The following SLC3A1 variants were observed in gnomAD, a reference collection of about 807,000 sequenced individuals.
SLC3A1 encodes solute carrier family 3 member 1, also known as amino acid transporter heavy chain SLC3A1.
In SLC3A1, 78 loss-of-function variants were observed where a neutral mutation model predicts 60.3. The observed-to-expected ratio is 1.29, with a 90% confidence interval of 1.08 to 1.56. The LOEUF (loss-of-function observed/expected upper bound fraction) is 1.56. Among genes scored for constraint, SLC3A1 ranks in the 40% most tolerant of loss-of-function variants. The pLI, the probability that SLC3A1 is intolerant of heterozygous loss-of-function variation, is 0.00. For missense variants in SLC3A1, 1,172 were observed against 858.9 expected (o/e 1.36, Z -4.56); for synonymous variants, 392 against 307.9 (o/e 1.27, Z -2.86).
At chr2:44,321,648 C>T (rs1048339102), downstream of SLC3A1, 15 of 1,515,452 alleles carry the variant, frequency 9.9e-6, no homozygotes, top group African/African-American at 2.1e-4. Context: ...GTATCAAGTA[C>T]AAGAGAGAGA....
At chr2:44,279,241 C>T (rs867825655) in intron 1 of SLC3A1, among the ~76,000 whole-genome samples, 2 of 152,168 alleles carry the variant, frequency 1.3e-5, no homozygotes, top group Admixed American at 1.3e-4. Flanking sequence ...CTCAAGTGAT[C>T]CACCTGTCTC....
rs376256364 is a variant in SLC3A1 at position 44,320,417 on chromosome 2, G to T, written c.1836G>T (p.Ser612=). 6.2e-7 allele frequency: 1 copy of T among 1,613,824 alleles called. No homozygotes were observed. The highest frequency in any genetic ancestry group is 1.3e-5 in the African/African-American group (1 of 74,882). Reference sequence around the variant, plus strand: ...TGTTAAATCTACATAATATGATTTCGGGCCTTCCCGCTAAAATGAGAATAA... The same window carrying T: ...TGTTAAATCTACATAATATGATTTCTGGCCTTCCCGCTAAAATGAGAATAA... ...STLLNLHNMI[S]GLPAKMRIRL... Residue 612 remains serine, a synonymous_variant, in exon 10 of 10, where the codon TCG becomes TCT. Transcript: ENST00000260649.
chr2:44,306,929 A>G (rs1472242895), intron 7 of SLC3A1, among the ~76,000 whole-genome samples: 2 of 152,020 alleles, frequency 1.3e-5, no homozygotes, highest in Admixed American at 6.6e-5. Flanking sequence ...AACCATCACC[A>G]ATGTCTCATT....
chr2:44,295,866 C>G (rs916456006), intron 4 of SLC3A1, among the ~76,000 whole-genome samples: 2 of 152,220 alleles, frequency 1.3e-5, no homozygotes, highest in African/African-American at 4.8e-5. Context: ...CTGCCCCAAC[C>G]AATGTTCACA....
At chr2:44,291,751 T>A (rs1223122330) in intron 4 of SLC3A1, among the ~76,000 whole-genome samples, 4 of 152,164 alleles carry the variant, frequency 2.6e-5, no homozygotes, top group Non-Finnish European at 5.9e-5. Flanking sequence ...CTTGCTTGCA[T>A]ACCAACTTGT....
intron 9 of SLC3A1, 173 bp from the exon 10 acceptor site, chr2:44,320,026 C>T: frequency 3.3e-6 from 2 of 610,654 alleles, no homozygotes; most frequent in Non-Finnish European, 5.7e-6. Context: ...TCATTTCTAT[C>T]AGTTTTTATA....
intron 1 of SLC3A1, among the ~76,000 whole-genome samples, chr2:44,277,441 G>T (rs1433109602): frequency 6.6e-6 from 1 of 152,056 alleles, no homozygotes; most frequent in South Asian, 2.1e-4. Context: ...ATCCTGCATT[G>T]TCACTCATTG....
chr2:44,276,901 A>G (rs968689518), intron 1 of SLC3A1, among the ~76,000 whole-genome samples: 1 of 152,188 alleles, frequency 6.6e-6, no homozygotes, highest in Non-Finnish European at 1.5e-5. Flanking sequence ...CAACAATAGG[A>G]AACAAATAAG....
At chr2:44,307,363 T>G (rs79308999) in intron 7 of SLC3A1, among the ~76,000 whole-genome samples, 1 of 152,204 alleles carries the variant, frequency 6.6e-6, no homozygotes, top group East Asian at 1.9e-4. Context: ...AGGAGTGGAA[T>G]TGCTCCACTG....
intron 4 of SLC3A1, among the ~76,000 whole-genome samples, chr2:44,290,788 ATGGGGTTG>A (rs963114248): frequency 4.7e-5 from 7 of 149,332 alleles, no homozygotes; most frequent in Non-Finnish European, 7.4e-5. Context: ...CCTTGCCTCC[ATGGGGTTG>A]TGGGGTTGTG....
In SLC3A1 at chr2:44,275,649, A is replaced by C. The variant is rs3738985; in HGVS notation, c.114A>C (p.Gly38=). 1,238,146 of 1,613,626 alleles carry C rather than the reference A, an allele frequency of 0.77. 480,440 individuals are homozygous for C. The highest frequency in any genetic ancestry group is 0.85 in the South Asian group (77,676 of 91,066). Reference sequence around the variant, plus strand: ...TTCTGGAGCAGACCCCGGATCCAGGAAGCTCAACAGACAACCTGAAGCACA... The same window carrying C: ...TTCTGGAGCAGACCCCGGATCCAGGCAGCTCAACAGACAACCTGAAGCACA... ...EDILEQTPDP[G]SSTDNLKHST... Residue 38 remains glycine, a synonymous_variant, in exon 1 of 10, where the codon GGA becomes GGC. Coordinates refer to ENST00000260649, the MANE Select transcript of SLC3A1 (RefSeq NM_000341.4).
intron 4 of SLC3A1, among the ~76,000 whole-genome samples, chr2:44,287,975 G>T (rs1038991720): frequency 6.6e-6 from 1 of 151,784 alleles, no homozygotes; most frequent in Non-Finnish European, 1.5e-5. Context: ...TTTTGAGTGT[G>T]TAATTCAGTG....
intron 2 of SLC3A1, 52 bp from the exon 3 acceptor site, chr2:44,281,335 G>A: frequency 2.0e-6 from 3 of 1,511,436 alleles, no homozygotes; most frequent in Non-Finnish European, 2.8e-6. Context: ...CCTGTCATAT[G>A]TTATTCTAAT....
intron 4 of SLC3A1, among the ~76,000 whole-genome samples, chr2:44,297,578 AT>A (rs1671885684): frequency 6.6e-6 from 1 of 152,278 alleles, no homozygotes; most frequent in East Asian, 1.9e-4. Flanking sequence ...GACCTGCATT[AT>A]TAGGTAACCA....
chr2:44,296,933 T>G (rs1170362834), intron 4 of SLC3A1, among the ~76,000 whole-genome samples: 2 of 152,204 alleles, frequency 1.3e-5, no homozygotes, highest in African/African-American at 4.8e-5. Flanking sequence ...ATGTAAGATG[T>G]GACTTTGCTC....
rs549024166 is a variant in SLC3A1, at chr2:44,320,124, T to G, written c.1618-75T>G. On this transcript the variant is annotated intron_variant, in intron 9 of 9. Coordinates refer to ENST00000260649, the MANE Select transcript of SLC3A1 (RefSeq NM_000341.4). ...GCAAGTGTTTTGGGTAAATAACTCCTTACAATATATTAAAAATACTTACAA... is the reference window on the plus strand; with the variant it reads ...GCAAGTGTTTTGGGTAAATAACTCCGTACAATATATTAAAAATACTTACAA... The G allele has an allele frequency of 1.8e-4, 242 of 1,342,204 alleles. No individual in the cohort carries two copies. In the African/African-American group the frequency reaches 2.9e-3, roughly 16 times the overall value. The allele number at this position is 1,342,204 out of a possible 1,614,324, so 83.1% of individuals were successfully genotyped here.
intron 5 of SLC3A1, 72 bp from the exon 6 acceptor site, chr2:44,300,931 C>T (rs1464605767): frequency 4.4e-6 from 7 of 1,593,256 alleles, no homozygotes; most frequent in African/African-American, 1.3e-5. Flanking sequence ...AGGTTGTCTA[C>T]ATTCATATAG....
intron 4 of SLC3A1, among the ~76,000 whole-genome samples, chr2:44,296,109 G>A (rs1224043096): frequency 6.6e-6 from 1 of 152,158 alleles, no homozygotes; most frequent in Non-Finnish European, 1.5e-5. Context: ...ACCTGTTCTA[G>A]AAATGAGGTG....
At chr2:44,285,869 T>TG in intron 3 of SLC3A1, 163 bp from the exon 4 acceptor site, 1 of 839,142 alleles carries the variant, frequency 1.2e-6, no homozygotes, top group Non-Finnish European at 2.1e-6. Flanking sequence ...GCCAATGGGG[T>TG]GGGGGGTATT....
Sources: allele counts gnomAD v4.1 joint callset (sites outside exome capture counted in the v4.1 genomes callset), GRCh38; gene constraint gnomAD v4.1.1; transcripts MANE v1.5; gene names NCBI Gene and HGNC (gene_info 2026-07-23, HGNC 2026-07-21).